The following RBFOX1 variants were observed in gnomAD, a reference collection of about 807,000 sequenced individuals.
RBFOX1 encodes RNA binding protein fox-1 homolog 1.
RBFOX1 carries 8 observed loss-of-function variants against 57.7 expected under a neutral mutation model. The observed-to-expected ratio is 0.14, with a 90% CI of 0.08 to 0.25. The LOEUF (loss-of-function observed/expected upper bound fraction) is 0.25. Among genes scored for constraint, RBFOX1 ranks in the 10% least tolerant of loss-of-function variants. RBFOX1 has a pLI of 1.00. For synonymous variants in RBFOX1, 326 were observed against 222.4 expected, an observed-to-expected ratio of 1.47 and a Z score of -4.15; for missense variants, 611 against 548.5, an observed-to-expected ratio of 1.11 and a Z score of -1.14.
chr16:6,495,800 A>T (rs1208102271), intron 2 of RBFOX1, among the ~76,000 whole-genome samples: 1 of 152,160 alleles, frequency 6.6e-6, no homozygotes, highest in East Asian at 1.9e-4. Flanking sequence ...GGCAAACTCA[A>T]CACCCCTCAC....
chr16:6,142,465 C>T (rs2096726235), intron 1 of RBFOX1, among the ~76,000 whole-genome samples: 2 of 151,994 alleles, frequency 1.3e-5, no homozygotes, highest in South Asian at 2.1e-4. Context: ...TTGTGATTCG[C>T]CCGCCTCGGC....
intron 2 of RBFOX1, chr16:6,483,581 G>A: frequency 6.5e-7 from 1 of 1,532,298 alleles, no homozygotes; most frequent in Non-Finnish European, 8.7e-7. Context: ...ACACTGTCAG[G>A]GAAGGAGAGA....
intron 3 of RBFOX1, among the ~76,000 whole-genome samples, chr16:5,640,653 C>G (rs539181730): frequency 1.3e-5 from 2 of 150,788 alleles, no homozygotes; most frequent in African/African-American, 4.9e-5. Flanking sequence ...ACATGCACAG[C>G]ATGCATACAC....
Position 6,555,379 on chromosome 16 carries a change from C to T in RBFOX1, c.-63-99224C>T, listed in dbSNP as rs74005283. On this transcript the variant is annotated intron_variant, in intron 2 of 15. Transcript: ENST00000550418. ...AATATGGGTTTGACCACACAGTAGT[C>T]AGAAGTCTAGTTCTTCATGTATTAA... Among the ~76,000 whole-genome samples, 1,202 of 152,216 alleles carry T rather than the reference C, an allele frequency of 7.9e-3. 18 individuals are homozygous for T. The highest frequency in any genetic ancestry group is 0.027 in the African/African-American group (1,111 of 41,516).
chr16:7,193,114 G>A (rs66523507), intron 4 of RBFOX1, among the ~76,000 whole-genome samples: 27,572 of 152,192 alleles, frequency 0.18, 2,703 homozygotes, highest in East Asian at 0.38. Flanking sequence ...CTTGCTAATC[G>A]GTTGGCCTTG....
chr16:5,454,769 CTT>C lies in RBFOX1; in HGVS notation c.220-12445_220-12444del, dbSNP rs1192928056. Among the ~76,000 whole-genome samples the C allele has an allele frequency of 1.0e-4, 6 of 59,650 alleles. 1 individual carries two copies. Among genetic ancestry groups the C allele is most frequent in the African/African-American group, 3.0e-4 (5 of 16,470 alleles). The allele number at this position is 59,650 out of a possible 152,430, so 39.1% of individuals were successfully genotyped here. A position where few individuals can be genotyped will look rare whatever the true frequency, so the allele number is the denominator to read the frequency against. On this transcript the variant is annotated intron_variant, in intron 1 of 2. Coordinates refer to the RBFOX1 transcript ENST00000585867. ...TTTTTCTTTTCTTTTCTTTCTTTCT[CTT>C]TCTTTCTTTCTTTCTTTCTCTTTCT...
intron 3 of RBFOX1, among the ~76,000 whole-genome samples, chr16:6,676,140 GCGCACA>G (rs796219853): frequency 0.12 from 3,353 of 27,842 alleles, 132 homozygotes; most frequent in African/African-American, 0.2. Flanking sequence ...ACACACACAC[GCGCACA>G]CACACACACA....
intron 4 of RBFOX1, among the ~76,000 whole-genome samples, chr16:7,071,162 G>A (rs1043264076): frequency 1.1e-4 from 16 of 152,246 alleles, no homozygotes; most frequent in Non-Finnish European, 1.3e-4. Flanking sequence ...TGAAGCTTCC[G>A]TTTTGACTAG....
At chr16:6,049,225 G>A (rs1428234246) in intron 1 of RBFOX1, among the ~76,000 whole-genome samples, 1 of 151,590 alleles carries the variant, frequency 6.6e-6, no homozygotes, top group Non-Finnish European at 1.5e-5. Context: ...CACCATGCCT[G>A]GCTAATTTTT....
intron 4 of RBFOX1, among the ~76,000 whole-genome samples, chr16:7,283,646 TTTCTTTAATTGGCATC>T (rs990126782): frequency 6.6e-6 from 1 of 152,114 alleles, no homozygotes; most frequent in Non-Finnish European, 1.5e-5. Flanking sequence ...CTTACTCAGT[TTTCTTTAATTGGCATC>T]TTCTAAAATA....
rs2084175404 is a variant in RBFOX1 at position 7,712,668 on chromosome 16, A to C, written c.*1923A>C. On this transcript the variant is annotated 3_prime_UTR_variant, in exon 16 of 16. Coordinates refer to ENST00000550418, the MANE Select transcript of RBFOX1 (RefSeq NM_018723.4). Reference sequence around the variant, plus strand: ...AAGAGGGTGTTTTATAGCATCACTAAGACATTCTCATTCCCCCACCTGGAA... The same window carrying C: ...AAGAGGGTGTTTTATAGCATCACTACGACATTCTCATTCCCCCACCTGGAA... 3 of 152,214 alleles carry C rather than the reference A, an allele frequency of 2.0e-5. No individual in the cohort carries two copies. The highest frequency in any genetic ancestry group is 6.5e-5 in the Admixed American group (1 of 15,278). The allele number at this position is 152,214 out of a possible 1,614,324, so 9.4% of individuals were successfully genotyped here. A position where few individuals can be genotyped will look rare whatever the true frequency, so the allele number is the denominator to read the frequency against.
intron 4 of RBFOX1, among the ~76,000 whole-genome samples, chr16:5,904,136 G>A (rs2058380907): frequency 6.6e-6 from 1 of 152,100 alleles, no homozygotes. Flanking sequence ...AGAGTAATTG[G>A]ATCATTCGGA....
chr16:5,693,792 A>G (rs2050766888), intron 3 of RBFOX1, among the ~76,000 whole-genome samples: 1 of 152,122 alleles, frequency 6.6e-6, no homozygotes, highest in Admixed American at 6.5e-5. Context: ...CTCCCTTCTT[A>G]TAAGTAGGCA....
chr16:5,266,198 C>G (rs183550647), intron 1 of RBFOX1, among the ~76,000 whole-genome samples: 2 of 152,298 alleles, frequency 1.3e-5, no homozygotes, highest in East Asian at 3.9e-4. Context: ...AGCTGTGACA[C>G]TGCTGACATT....
intron 1 of RBFOX1, among the ~76,000 whole-genome samples, chr16:6,089,003 G>T (rs2152526165): frequency 6.6e-6 from 1 of 151,206 alleles, no homozygotes; most frequent in Non-Finnish European, 1.5e-5. Context: ...GGCCGAGGCA[G>T]GACAACAGCT....
intron 4 of RBFOX1, among the ~76,000 whole-genome samples, chr16:7,266,757 A>G (rs1398576982): frequency 3.9e-5 from 6 of 151,994 alleles, no homozygotes; most frequent in Admixed American, 3.9e-4. Flanking sequence ...AGCTAATGTT[A>G]AATGCTACAA....
intron 4 of RBFOX1, among the ~76,000 whole-genome samples, chr16:5,917,775 G>A (rs1166472101): frequency 6.6e-6 from 1 of 152,148 alleles, no homozygotes; most frequent in South Asian, 2.1e-4. Flanking sequence ...TAGTCTCAAA[G>A]TGTGACCAGA....
At chr16:5,831,173 C>G (rs1327212595) in intron 3 of RBFOX1, among the ~76,000 whole-genome samples, 1 of 152,074 alleles carries the variant, frequency 6.6e-6, no homozygotes, top group Non-Finnish European at 1.5e-5. Flanking sequence ...CCCACCAATT[C>G]CAGTGTTGGA....
chr16:7,010,775 G>A (rs1017540892), intron 3 of RBFOX1, among the ~76,000 whole-genome samples: 7 of 152,100 alleles, frequency 4.6e-5, no homozygotes, highest in Non-Finnish European at 7.4e-5. Context: ...ATGTTGGCCA[G>A]GCTGGTCTCA....
Sources: allele counts gnomAD v4.1 joint callset (sites outside exome capture counted in the v4.1 genomes callset), GRCh38; gene constraint gnomAD v4.1.1; transcripts MANE v1.5; gene names NCBI Gene and HGNC (gene_info 2026-07-23, HGNC 2026-07-21).